The following PPP2R2D variants were observed in gnomAD, a reference collection of about 807,000 sequenced individuals.
The protein encoded by PPP2R2D is protein phosphatase 2 regulatory subunit Bdelta, also known as serine/threonine-protein phosphatase 2A 55 kDa regulatory subunit B delta isoform.
Under a neutral mutation model 31.1 loss-of-function variants are expected in PPP2R2D, and 9 were observed. The ratio of observed to expected loss-of-function variants is 0.29; its 90% CI spans 0.17 to 0.51. The LOEUF (loss-of-function observed/expected upper bound fraction) is 0.51, where lower values mean the gene tolerates loss of function less well. PPP2R2D is among the 20% of genes least tolerant of loss of function. The pLI is 0.98. For missense variants in PPP2R2D, 391 were observed against 465.6 expected (o/e 0.84, Z 1.48); for synonymous variants, 179 against 172.6 (o/e 1.04, Z -0.29).
At chr10:131,942,919 G>A (rs548781896) in intron 5 of PPP2R2D, among the ~76,000 whole-genome samples, 2 of 152,118 alleles carry the variant, frequency 1.3e-5, no homozygotes, top group South Asian at 2.1e-4. Context: ...TTAAAATGAG[G>A]GAAGCCTCCC....
In PPP2R2D at chr10:131,955,743, G is replaced by T. The variant is rs1432598689; in HGVS notation, c.1142G>T (p.Arg381Met). The change falls in exon 9 of 9, where the codon AGG becomes ATG. Residue 381 changes from arginine to methionine, a missense_variant. Physicochemically the swap from Arg to Met is moderately conservative, Grantham distance 91. Transcript: ENST00000455566. Reference sequence around the variant, plus strand: ...AGGATGTTTGATAGAGACACGCGGAGGGATGTGACCCTGGAGGCCTCGAGA... The same window carrying T: ...AGGATGTTTGATAGAGACACGCGGATGGATGTGACCCTGGAGGCCTCGAGA... Reference protein sequence around the residue: ...FFRMFDRDTRRDVTLEASRES... With the variant: ...FFRMFDRDTRMDVTLEASRES... 1 of 1,541,546 alleles carries T rather than the reference G, an allele frequency of 6.5e-7. No individual in the cohort carries two copies. The highest frequency in any genetic ancestry group is 8.8e-7 in the Non-Finnish European group (1 of 1,138,712).
rs779401090 is a variant in PPP2R2D, at chr10:131,947,825, A to C, written c.1082+34A>C. 5.0e-6 allele frequency: 8 copies of C among 1,600,724 alleles called. No homozygotes were observed. The highest frequency in any genetic ancestry group is 6.8e-6 in the Non-Finnish European group (8 of 1,170,020). ...TGCGTGGAGATGAGCTGTCGCCCCA[A>C]GCTTGCTGGTTTCCGAGAGTGCAAG... On this transcript the variant is annotated intron_variant, in intron 8 of 8. Transcript: ENST00000455566. This position sits in a 1 kb window ranked among gnomAD's most constrained non-coding sequence, Gnocchi z 4.3.
intron 8 of PPP2R2D, among the ~76,000 whole-genome samples, chr10:131,948,536 C>T (rs113324242): frequency 1.3e-5 from 2 of 152,314 alleles, no homozygotes; most frequent in African/African-American, 4.8e-5. Context: ...GGTGTCTCTT[C>T]AGGTGCATAG....
chr10:131,901,479 G>C (rs2035494696), intron 2 of PPP2R2D, 149 bp downstream of exon 2: 4 of 320,326 alleles, frequency 1.2e-5, no homozygotes, highest in East Asian at 9.7e-5. Context: ...GCTGGGGGCC[G>C]TGATCGGGGG....
At chr10:131,967,318 A>G in the PPP2R2D span, 1 of 152,226 alleles carries the variant, frequency 6.6e-6, no homozygotes, top group Non-Finnish European at 1.5e-5. Flanking sequence ...GTTTGTGATG[A>G]AAGACAAACA....
chr10:131,919,593 T>G (rs1460520683), intron 2 of PPP2R2D, among the ~76,000 whole-genome samples: 1 of 129,816 alleles, frequency 7.7e-6, no homozygotes, highest in Middle Eastern at 4.2e-3. Context: ...TGACAGTGTT[T>G]GTAGGGACCT....
chr10:131,970,436 A>C, the PPP2R2D span: 72 of 702,148 alleles, frequency 1.0e-4, no homozygotes, highest in Non-Finnish European at 1.6e-4. This position sits in a 1 kb window ranked among gnomAD's most constrained non-coding sequence, Gnocchi z 4.1. Flanking sequence ...CAGCAGCACC[A>C]CAGGGCGCCT....
At chr10:131,901,950 G>T (rs1285713314) in intron 2 of PPP2R2D, among the ~76,000 whole-genome samples, 1 of 152,198 alleles carries the variant, frequency 6.6e-6, no homozygotes, top group Non-Finnish European at 1.5e-5. Flanking sequence ...CTCTATTCCA[G>T]ATTTTAGTCT....
chr10:131,901,849 C>T (rs1330816822), intron 2 of PPP2R2D, among the ~76,000 whole-genome samples: 1 of 152,244 alleles, frequency 6.6e-6, no homozygotes, highest in African/African-American at 2.4e-5. Flanking sequence ...GCCTCGGCTC[C>T]CTGATTCTTA....
chr10:131,921,336 G>T (rs1226390952), intron 2 of PPP2R2D, among the ~76,000 whole-genome samples: 1 of 152,206 alleles, frequency 6.6e-6, no homozygotes, highest in African/African-American at 2.4e-5. Context: ...GGCACCATGA[G>T]TAAAGGCGCT....
chr10:131,970,982 T>G, the PPP2R2D span: 1 of 1,611,028 alleles, frequency 6.2e-7, no homozygotes, highest in Non-Finnish European at 8.5e-7. This position sits in a 1 kb window ranked among gnomAD's most constrained non-coding sequence, Gnocchi z 4.1. Context: ...TAAGATAAAG[T>G]CAATGTTAAA....
rs2035902417 is a variant in PPP2R2D, at chr10:131,919,081, A to G, written c.101-15377A>G. On this transcript the variant is annotated intron_variant, in intron 2 of 8. Transcript: ENST00000455566. ...AGGGACCTCAGGCGGGTGGAGTGAC[A>G]CAGTGTTTGTAGGGACGTCAGGCGG... is the stretch of plus-strand genomic sequence containing the variant. 3.3e-5 allele frequency among the ~76,000 whole-genome samples: 4 copies of G among 121,912 alleles called. No homozygotes were observed. The South Asian group carries it at 1.1e-3, about 34-fold the overall frequency. The allele number at this position is 121,912 out of a possible 152,430, so 80.0% of individuals were successfully genotyped here.
At chr10:131,944,418 A>G (rs10781564) in intron 6 of PPP2R2D, among the ~76,000 whole-genome samples, 43,173 of 151,880 alleles carry the variant, frequency 0.28, 6,240 homozygotes, top group East Asian at 0.45. Flanking sequence ...TAAATAGGCT[A>G]CATTTGAAAA....
chr10:131,955,684 C>A lies in PPP2R2D; in HGVS notation c.1083C>A (p.Ser361Arg). 1 of 1,448,280 alleles carries A rather than the reference C, an allele frequency of 6.9e-7. No individual in the cohort carries two copies. The highest frequency in any genetic ancestry group is 1.6e-5 in the South Asian group (1 of 61,186). The allele number at this position is 1,448,280 out of a possible 1,614,324, so 89.7% of individuals were successfully genotyped here. Reference protein sequence around the residue: ...KFECCWNGSDSAIMTGSYNNF... With the variant: ...KFECCWNGSDRAIMTGSYNNF... ...TGCTGTCTGCTCTTGTTTTGAACAG[C>A]GCCATCATGACCGGGTCCTATAACA... The change falls in exon 9 of 9, where the codon AGC becomes AGA. Residue 361 changes from serine (S) to arginine (R), a missense_variant and splice_region_variant. By Grantham distance (110) the Ser-to-Arg change is moderately radical. Coordinates refer to ENST00000455566, the MANE Select transcript of PPP2R2D (RefSeq NM_018461.5).
intron 2 of PPP2R2D, among the ~76,000 whole-genome samples, chr10:131,902,839 G>GCCTCCTAGGCTCAAGCGATTCGCCCA (rs2035522502): frequency 2.0e-5 from 3 of 152,090 alleles, no homozygotes; most frequent in Non-Finnish European, 4.4e-5. Flanking sequence ...TGCAACCTCT[G>GCCTCCTAGGCTCAAGCGATTCGCCCA]CCTCCTAGGC....
intron 2 of PPP2R2D, among the ~76,000 whole-genome samples, chr10:131,928,250 G>A (rs537958725): frequency 2.0e-5 from 3 of 152,252 alleles, no homozygotes; most frequent in South Asian, 2.1e-4. Flanking sequence ...ACCACCTCCT[G>A]GGCTGCTAGG....
In PPP2R2D at chr10:131,958,607, T is replaced by A. The variant is rs1331340335; in HGVS notation, c.*2644T>A. 1 of 233,488 alleles carries A rather than the reference T, an allele frequency of 4.3e-6. No individual in the cohort carries two copies. Among genetic ancestry groups the A allele is most frequent in the Non-Finnish European group, 8.3e-6 (1 of 120,354 alleles). 14.5% of individuals were successfully genotyped at this position (233,488 alleles called of 1,614,324 possible). ...CTGTGGGGATGAAGGTGTGTGCTGA[T>A]CTCTTGTCCCCCTGTGGAGATGGAG... On this transcript the variant is annotated 3_prime_UTR_variant, in exon 9 of 9. Coordinates refer to ENST00000455566, the MANE Select transcript of PPP2R2D (RefSeq NM_018461.5).
At chr10:131,906,774 AG>A (rs1348577683) in intron 2 of PPP2R2D, among the ~76,000 whole-genome samples, 2 of 150,190 alleles carry the variant, frequency 1.3e-5, no homozygotes, top group African/African-American at 2.4e-5. Context: ...AAAAAAAAAA[AG>A]AAAGAAATTC....
the PPP2R2D span, chr10:131,970,234 T>G: frequency 4.9e-6 from 1 of 203,200 alleles, no homozygotes; most frequent in South Asian, 1.0e-4. The surrounding 1 kb of genome is among the most constrained non-coding windows in gnomAD (Gnocchi z 4.1). Flanking sequence ...AGAACAACAG[T>G]CCTGTCTGGA....
Sources: gnomAD v4.1 joint callset for allele counts (sites outside exome capture counted in the v4.1 genomes callset) on GRCh38, gnomAD v4.1.1 for gene constraint, Gnocchi (gnomAD v3.1) non-coding constraint, MANE v1.5 for transcripts, NCBI Gene and HGNC (gene_info 2026-07-23, HGNC 2026-07-21) for gene names.